The following SCAPER variants were observed in gnomAD, a reference collection of about 807,000 sequenced individuals.
SCAPER encodes the protein S phase cyclin A-associated protein in the endoplasmic reticulum.
Under a neutral mutation model 182.2 loss-of-function variants are expected in SCAPER, and 98 were observed. That is an observed-to-expected ratio of 0.54 (90% CI 0.46 to 0.64). The LOEUF (loss-of-function observed/expected upper bound fraction) is 0.64, where lower values mean the gene tolerates loss of function less well. Ranked by LOEUF, SCAPER falls within the 30% of genes least tolerant of loss-of-function variation. The pLI, the probability that SCAPER is intolerant of heterozygous loss-of-function variation, is 0.00. For missense variants in SCAPER, 1,432 were observed against 1,690.0 expected, an observed-to-expected ratio of 0.85 and a Z score of 2.68; for synonymous variants, 605 against 564.6, an observed-to-expected ratio of 1.07 and a Z score of -1.01.
intron 8 of SCAPER, among the ~76,000 whole-genome samples, chr15:76,788,789 C>T (rs765391371): frequency 1.2e-4 from 19 of 152,026 alleles, no homozygotes; most frequent in Non-Finnish European, 2.2e-4. Context: ...GTATAATGAA[C>T]CCCATGTTCC....
At chr15:76,559,080 G>C (rs2468113) in intron 23 of SCAPER, among the ~76,000 whole-genome samples, 21,161 of 151,892 alleles carry the variant, frequency 0.14, 1,769 homozygotes, top group African/African-American at 0.24. Context: ...TGTTGCCCAG[G>C]CTGGCATGCA....
rs552266502 is a variant in SCAPER, at chr15:76,359,037, T to G, written c.3856-4897A>C. On this transcript the variant is annotated intron_variant, in intron 29 of 31. Coordinates refer to ENST00000563290, the MANE Select transcript of SCAPER (RefSeq NM_020843.4). Reference sequence around the variant, plus strand: ...AGGGTAGATGGTAGCCTTCAGGATTTAGATGAGGATCCAATGAGATAGTGT... The same window carrying G: ...AGGGTAGATGGTAGCCTTCAGGATTGAGATGAGGATCCAATGAGATAGTGT... Among the ~76,000 whole-genome samples the G allele has an allele frequency of 6.6e-5, 10 of 152,354 alleles. No individual in the cohort carries two copies. In the South Asian group the frequency reaches 2.1e-3, roughly 32 times the overall value.
chr15:76,808,677 T>C lies in SCAPER; in HGVS notation c.394-4044A>G, dbSNP rs150578136. The stretch of plus-strand genomic sequence containing the variant: ...GGAAATTAGCAGTCTTCTGGGACCA[T>C]AAATGTGCATGTGGGGACTATCCAC... On this transcript the variant is annotated intron_variant, in intron 5 of 31. Transcript: ENST00000563290. Among the ~76,000 whole-genome samples, 591 of 152,310 alleles carry C rather than the reference T, an allele frequency of 3.9e-3. 4 individuals carry two copies. Among genetic ancestry groups the C allele is most frequent in the Non-Finnish European group, 5.7e-3 (389 of 68,022 alleles).
At chr15:76,662,684 G>T (rs2056287931) in intron 21 of SCAPER, among the ~76,000 whole-genome samples, 2 of 152,076 alleles carry the variant, frequency 1.3e-5, no homozygotes, top group Admixed American at 1.3e-4. Flanking sequence ...ATATATGATA[G>T]ATTTTTTTAA....
intron 20 of SCAPER, among the ~76,000 whole-genome samples, chr15:76,671,975 A>G (rs901071076): frequency 2.6e-5 from 4 of 152,152 alleles, no homozygotes; most frequent in Non-Finnish European, 2.9e-5. Context: ...GGCGACTTCA[A>G]TAGGAGGTGA....
intron 21 of SCAPER, among the ~76,000 whole-genome samples, chr15:76,628,400 T>C (rs1394929603): frequency 1.3e-5 from 2 of 152,214 alleles, no homozygotes; most frequent in Non-Finnish European, 2.9e-5. Context: ...CCAGTTTTTA[T>C]AGTTTTGGGT....
intron 5 of SCAPER, among the ~76,000 whole-genome samples, chr15:76,832,963 T>C (rs1388126156): frequency 6.6e-6 from 1 of 152,172 alleles, no homozygotes; most frequent in Admixed American, 6.5e-5. Context: ...AATGAACTAA[T>C]ACTCAGAAAC....
intron 23 of SCAPER, among the ~76,000 whole-genome samples, chr15:76,518,151 G>A (rs1018199486): frequency 3.3e-5 from 5 of 152,142 alleles, no homozygotes; most frequent in African/African-American, 1.2e-4. Flanking sequence ...GTGGGACCAG[G>A]GTTAGAAAAG....
chr15:76,545,697 G>A (rs1266376368), intron 23 of SCAPER, among the ~76,000 whole-genome samples: 2 of 152,140 alleles, frequency 1.3e-5, no homozygotes, highest in African/African-American at 4.8e-5. Context: ...GAAGACTACT[G>A]TGAAGGGAAG....
chr15:76,820,555 C>A (rs531127805), intron 5 of SCAPER, among the ~76,000 whole-genome samples: 51 of 129,396 alleles, frequency 3.9e-4, no homozygotes, highest in Non-Finnish European at 7.3e-4. Context: ...CATAAGGACA[C>A]AGGAAGGGGA....
intron 22 of SCAPER, among the ~76,000 whole-genome samples, chr15:76,612,815 A>C (rs1294123469): frequency 6.6e-6 from 1 of 152,242 alleles, no homozygotes; most frequent in African/African-American, 2.4e-5. Context: ...ATGGATAGGA[A>C]GACTCAATAT....
chr15:76,832,338 T>G (rs1229075265), intron 5 of SCAPER, among the ~76,000 whole-genome samples: 1 of 152,058 alleles, frequency 6.6e-6, no homozygotes, highest in Non-Finnish European at 1.5e-5. Context: ...CACAATACAA[T>G]TGGAAGAATT....
chr15:76,694,489 CAATTG>C (rs1422139761), intron 20 of SCAPER, among the ~76,000 whole-genome samples: 1 of 151,852 alleles, frequency 6.6e-6, no homozygotes, highest in Non-Finnish European at 1.5e-5. Flanking sequence ...TGAATGTGTA[CAATTG>C]AATATACACA....
chr15:76,451,380 G>A (rs2048357974), intron 25 of SCAPER, among the ~76,000 whole-genome samples: 1 of 152,184 alleles, frequency 6.6e-6, no homozygotes, highest in Non-Finnish European at 1.5e-5. Context: ...GAAATAGCTA[G>A]GAGTGGGATT....
chr15:76,381,161 A>G (rs78351319), intron 28 of SCAPER: 4,112 of 269,798 alleles, frequency 0.015, 162 homozygotes, highest in African/African-American at 0.087. Flanking sequence ...AATACTTTGC[A>G]TGGTAGCTAT....
At chr15:76,814,712 T>G (rs1458965685) in intron 5 of SCAPER, among the ~76,000 whole-genome samples, 1 of 152,170 alleles carries the variant, frequency 6.6e-6, no homozygotes, top group South Asian at 2.1e-4. Context: ...GCAATAATTT[T>G]TTTGGTATCA....
intron 2 of SCAPER, among the ~76,000 whole-genome samples, chr15:76,875,882 G>A (rs1331802027): frequency 2.0e-5 from 3 of 152,318 alleles, no homozygotes; most frequent in African/African-American, 4.8e-5. Flanking sequence ...AGGGGGCGGC[G>A]CTGGTCGAGG....
intron 29 of SCAPER, 138 bp downstream of exon 29, chr15:76,376,024 G>T: frequency 1.0e-6 from 1 of 994,556 alleles, no homozygotes; most frequent in Non-Finnish European, 1.5e-6. Flanking sequence ...GGAGCTAGAG[G>T]CATATTCCTG....
rs1181032492 is a variant in SCAPER, at chr15:76,602,425, C to T, written c.2711+19339G>A. Among the ~76,000 whole-genome samples the T allele has an allele frequency of 2.5e-5, 3 of 121,158 alleles. 1 individual carries two copies. 79.5% of individuals were successfully genotyped at this position (121,158 alleles called of 152,430 possible). A position where few individuals can be genotyped will look rare whatever the true frequency, so the allele number is the denominator to read the frequency against. ...GGTGAGTTTTTTTCTAATCTTTGCT[C>T]CCATATAGGTAAGGTGTTTCTTTCC... is the stretch of plus-strand genomic sequence containing the variant. On this transcript the variant is annotated intron_variant, in intron 22 of 31. Transcript: ENST00000563290.
Sources: gnomAD v4.1 joint callset for allele counts (sites outside exome capture counted in the v4.1 genomes callset) on GRCh38, gnomAD v4.1.1 for gene constraint, MANE v1.5 for transcripts, NCBI Gene and HGNC (gene_info 2026-07-23, HGNC 2026-07-21) for gene names.